The following KIF7 variants were observed in gnomAD, a reference collection of about 807,000 sequenced individuals.
KIF7 encodes kinesin-like protein KIF7.
KIF7 carries 104 observed loss-of-function variants against 135.7 expected under a neutral mutation model. The ratio of observed to expected loss-of-function variants is 0.77; its 90% CI spans 0.65 to 0.90. The LOEUF (loss-of-function observed/expected upper bound fraction) is 0.90, where lower values mean the gene tolerates loss of function less well. Ranked by LOEUF, KIF7 falls within the 40% of genes least tolerant of loss-of-function variation. The probability of loss-of-function intolerance (pLI) is 0.00; values close to 1 mark genes in which losing one functional copy is unlikely to be tolerated. For missense variants in KIF7, 2,005 were observed against 1,839.1 expected, an observed-to-expected ratio of 1.09 and a Z score of -1.65; for synonymous variants, 883 against 809.4, an observed-to-expected ratio of 1.09 and a Z score of -1.54.
Position 89,642,252 on chromosome 15 carries a change from C to A in KIF7, c.2345G>T (p.Arg782Leu). ...GACCCTCCTGCGGAACTCCTGGAGC[C>A]GAGACCGCTCGCCAGCATCCTGGAG... ...KELQDAGERS[R>L]LQEFRRRVAA... is the part of the protein sequence containing the mutation. Residue 782 changes from arginine to leucine, a missense_variant, in exon 11 of 19, where the codon CGG becomes CTG. Arg to Leu is a moderately radical substitution (Grantham distance 102). Coordinates refer to ENST00000394412, the MANE Select transcript of KIF7 (RefSeq NM_198525.3). The A allele has an allele frequency of 6.2e-7, 1 of 1,610,362 alleles. No homozygotes were observed.
rs375118771 is a variant in KIF7, at chr15:89,617,881, G to A, written c.*75+148C>T. 8.7e-4 allele frequency: 285 copies of A among 328,402 alleles called. 5 individuals carry two copies. The South Asian group carries it at 0.012, about 14-fold the overall frequency. 20.3% of individuals were successfully genotyped at this position (328,402 alleles called of 1,614,324 possible). On this transcript the variant is annotated intron_variant and NMD_transcript_variant, in intron 2 of 2. Transcript: ENST00000558928. ...TAATTTTTGTATTTTTAATAGAGTC[G>A]GGGTTTCACCATATTGGCCAGACTG... is the stretch of plus-strand genomic sequence containing the variant.
intron 11 of KIF7, among the ~76,000 whole-genome samples, chr15:89,634,643 A>C (rs1963763910): frequency 1.3e-5 from 2 of 152,366 alleles, no homozygotes; most frequent in Admixed American, 6.5e-5. Context: ...GCACACCAGG[A>C]GATTATATCC....
At chr15:89,622,206 G>A (rs543298664) in intron 1 of KIF7, among the ~76,000 whole-genome samples, 1 of 151,912 alleles carries the variant, frequency 6.6e-6, no homozygotes, top group Non-Finnish European at 1.5e-5. Flanking sequence ...GGCTGGTCTC[G>A]AACTCCTGAC....
chr15:89,631,845 G>T lies in KIF7; in HGVS notation c.2896-135C>A. 3.9e-6 allele frequency: 3 copies of T among 764,290 alleles called. No individual in the cohort carries two copies. In the South Asian group the frequency reaches 5.6e-5, roughly 14 times the overall value. 47.3% of individuals were successfully genotyped at this position (764,290 alleles called of 1,614,324 possible). A position where few individuals can be genotyped will look rare whatever the true frequency, so the allele number is the denominator to read the frequency against. On this transcript the variant is annotated intron_variant, in intron 14 of 18. Transcript: ENST00000394412. Reference sequence around the variant, plus strand: ...ACACTCCAAATGTTCTGCTCAGCAGGGAGACCAGACTTAGTTCACAGAGAC... The same window carrying T: ...ACACTCCAAATGTTCTGCTCAGCAGTGAGACCAGACTTAGTTCACAGAGAC...
chr15:89,627,126 C>CAGG (rs762902118), downstream of KIF7: 1 of 1,611,486 alleles, frequency 6.2e-7, no homozygotes, highest in Non-Finnish European at 8.5e-7. Flanking sequence ...AGGAGTCAGC[C>CAGG]AGGACCCTGT....
chr15:89,632,406 A>G (rs1301716793), intron 14 of KIF7, among the ~76,000 whole-genome samples: 4 of 152,280 alleles, frequency 2.6e-5, no homozygotes, highest in African/African-American at 9.6e-5. Context: ...CCACCTTCCT[A>G]TACCTGCGCC....
intron 3 of KIF7, 35 bp from the exon 4 acceptor site, chr15:89,649,402 G>C: frequency 6.9e-7 from 1 of 1,445,352 alleles, no homozygotes; most frequent in Admixed American, 2.9e-5. Flanking sequence ...CCCAGGGCAG[G>C]GGCCGCCAGA....
At chr15:89,620,551 C>G (rs560261458) in intron 1 of KIF7, among the ~76,000 whole-genome samples, 1 of 152,150 alleles carries the variant, frequency 6.6e-6, no homozygotes, top group South Asian at 2.1e-4. Flanking sequence ...GTTCAGTTGT[C>G]TACATTTTCT....
chr15:89,623,990 C>T, downstream of KIF7: 1 of 1,613,966 alleles, frequency 6.2e-7, no homozygotes, highest in Non-Finnish European at 8.5e-7. Flanking sequence ...TCCTGTCCAG[C>T]CCCTCCAACT....
At position 89,647,077 on chromosome 15, in the gene KIF7, T is replaced by C. The variant is rs1447681985; in HGVS notation, c.1561-20A>G. 1.3e-6 allele frequency: 2 copies of C among 1,558,108 alleles called. No individual in the cohort carries two copies. Among genetic ancestry groups the C allele is most frequent in the African/African-American group, 2.7e-5 (2 of 73,740 alleles). ...GTCGCTCTGCAAGACATGGTCCAGG[T>C]GCCAAGGGGGCATGAATGCCCCGAC... On this transcript the variant is annotated intron_variant, in intron 6 of 18. Transcript: ENST00000394412.
downstream of KIF7, chr15:89,625,756 TCCA>T (rs1166499193): frequency 1.9e-6 from 3 of 1,607,830 alleles, no homozygotes; most frequent in Admixed American, 5.0e-5. Flanking sequence ...GCAGCTACCC[TCCA>T]CGGGAGACGA....
At chr15:89,619,141 C>T (rs1238962886) in intron 1 of KIF7, among the ~76,000 whole-genome samples, 1 of 151,614 alleles carries the variant, frequency 6.6e-6, no homozygotes, top group East Asian at 1.9e-4. Flanking sequence ...ACTCTTACTG[C>T]TATTATTTCT....
intron 1 of KIF7, chr15:89,619,834 A>G (rs753653248): frequency 1.2e-6 from 2 of 1,611,680 alleles, no homozygotes; most frequent in East Asian, 2.2e-5. Context: ...TTCCAGCAAG[A>G]TAAGTCAGGT....
Position 89,619,600 on chromosome 15 carries a change from T to G in KIF7, c.181-1405A>C, listed in dbSNP as rs992563510. 7 of 1,202,532 alleles carry G rather than the reference T, an allele frequency of 5.8e-6. No homozygotes were observed. In the Admixed American group the frequency reaches 1.7e-4, roughly 29 times the overall value. 74.5% of individuals were successfully genotyped at this position (1,202,532 alleles called of 1,614,324 possible). ...CTTAAAGCTAATAGCTTGCTGAATTTCCATCTTATATGTGGTACTATGTAA... is the reference window on the plus strand; with the variant it reads ...CTTAAAGCTAATAGCTTGCTGAATTGCCATCTTATATGTGGTACTATGTAA... On this transcript the variant is annotated intron_variant and NMD_transcript_variant, in intron 1 of 2. Transcript: ENST00000558928.
At chr15:89,630,802 G>A (rs945399534) in intron 15 of KIF7, 13 of 474,058 alleles carry the variant, frequency 2.7e-5, no homozygotes, top group Admixed American at 1.3e-4. Flanking sequence ...GAGGCACCAC[G>A]GTGTCTGCTG....
chr15:89,646,076 C>T (rs763513510), intron 7 of KIF7, 50 bp from the exon 8 acceptor site: 56 of 1,608,984 alleles, frequency 3.5e-5, no homozygotes, highest in Non-Finnish European at 4.4e-5. Flanking sequence ...CTGCGATATA[C>T]CCCACCTTGC....
At position 89,642,317 on chromosome 15, in the gene KIF7, A is replaced by T. The variant is rs778032299; in HGVS notation, c.2280T>A (p.Ser760Arg). Residue 760 changes from serine (S) to arginine (R), a missense_variant, in exon 11 of 19, where the codon AGT becomes AGA. Ser to Arg is a moderately radical substitution (Grantham distance 110, BLOSUM62 -1). Transcript: ENST00000394412. Reference sequence around the variant, plus strand: ...GCTCCCGCAGCTGCCTCTGGCCTTCACTCAGCTCGGCCCGCACCTGCTCTG... The same window carrying T: ...GCTCCCGCAGCTGCCTCTGGCCTTCTCTCAGCTCGGCCCGCACCTGCTCTG... ...QEAEQVRAEL[S>R]EGQRQLRELE... 2.5e-6 allele frequency: 4 copies of T among 1,610,776 alleles called. No individual in the cohort carries two copies. In the South Asian group the frequency reaches 4.4e-5, roughly 18 times the overall value.
chr15:89,631,331 G>A (rs1166920477), intron 15 of KIF7, among the ~76,000 whole-genome samples, 164 bp downstream of exon 15: 3 of 152,232 alleles, frequency 2.0e-5, no homozygotes, highest in Non-Finnish European at 4.4e-5. Context: ...GGGCAGAAGG[G>A]CCAGGCCAGC....
intron 11 of KIF7, among the ~76,000 whole-genome samples, chr15:89,638,449 G>A (rs1252245491): frequency 1.5e-4 from 23 of 150,608 alleles, no homozygotes; most frequent in Non-Finnish European, 1.5e-5. Flanking sequence ...CTTCAGCAAA[G>A]TCTCAGGATA....
Sources: gnomAD v4.1 joint callset for allele counts (sites outside exome capture counted in the v4.1 genomes callset) on GRCh38, gnomAD v4.1.1 for gene constraint, MANE v1.5 for transcripts, NCBI Gene and HGNC (gene_info 2026-07-23, HGNC 2026-07-21) for gene names.